The following SPART variants were observed in gnomAD, a reference collection of about 807,000 sequenced individuals.
SPART encodes the protein spastic paraplegia 20 (Troyer syndrome).
In SPART, 35 loss-of-function variants were observed where a neutral mutation model predicts 58.7. The ratio of observed to expected loss-of-function variants is 0.60; its 90% confidence interval spans 0.46 to 0.79. The LOEUF (loss-of-function observed/expected upper bound fraction) is 0.79. Among genes scored for constraint, SPART ranks in the 30% least tolerant of loss-of-function variants. The pLI is 0.00. For synonymous variants in SPART, 284 were observed against 280.7 expected (o/e 1.01, Z -0.12); for missense variants, 730 against 786.1 (o/e 0.93, Z 0.85).
upstream of SPART, among the ~76,000 whole-genome samples, chr13:36,349,215 A>G (rs372167231): frequency 5.9e-5 from 9 of 152,334 alleles, no homozygotes; most frequent in African/African-American, 2.2e-4. Flanking sequence ...GTGAGCCGAG[A>G]TTGTGCCATT....
chr13:36,318,659 G>A (rs1401092496), intron 5 of SPART, among the ~76,000 whole-genome samples: 6 of 151,606 alleles, frequency 4.0e-5, no homozygotes, highest in Non-Finnish European at 5.9e-5. Context: ...ACTTCCAAAC[G>A]CCTGAACCGC....
chr13:36,361,524 C>T (rs547329768), intron 1 of SPART, among the ~76,000 whole-genome samples: 1 of 152,208 alleles, frequency 6.6e-6, no homozygotes, highest in South Asian at 2.1e-4. Flanking sequence ...CCCGCCTCAG[C>T]CTCCTGAGTA....
intron 1 of SPART, among the ~76,000 whole-genome samples, chr13:36,342,218 C>T (rs1001726183): frequency 6.6e-6 from 1 of 152,166 alleles, no homozygotes; most frequent in African/African-American, 2.4e-5. Flanking sequence ...TATCTCAATC[C>T]TTACAAACAA....
chr13:36,326,968 A>C (rs1038550166), intron 4 of SPART, among the ~76,000 whole-genome samples: 1 of 152,108 alleles, frequency 6.6e-6, no homozygotes, highest in African/African-American at 2.4e-5. Context: ...ATTTAAATTG[A>C]CTTTTTTCTT....
At chr13:36,307,062 A>G (rs1332607593) in intron 8 of SPART, among the ~76,000 whole-genome samples, 1 of 152,212 alleles carries the variant, frequency 6.6e-6, no homozygotes, top group Non-Finnish European at 1.5e-5. Context: ...CTTCATAAAT[A>G]ACTGTTTAGT....
chr13:36,326,298 A>T (rs1882925234), intron 5 of SPART: 1 of 414,144 alleles, frequency 2.4e-6, no homozygotes, highest in East Asian at 5.5e-5. Context: ...AACTAATTTT[A>T]GATTCAGAAC....
intron 1 of SPART, among the ~76,000 whole-genome samples, chr13:36,345,022 G>A (rs534284565): frequency 1.3e-5 from 2 of 152,232 alleles, no homozygotes; most frequent in South Asian, 4.1e-4. Context: ...AATTTAGTTC[G>A]ATTCCATAAA....
At chr13:36,312,096 C>G in intron 8 of SPART, 49 bp downstream of exon 8, 1 of 1,565,016 alleles carries the variant, frequency 6.4e-7, no homozygotes, top group South Asian at 1.1e-5. Flanking sequence ...AGAAAAACAA[C>G]AACAACAACA....
At chr13:36,307,079 CTTCAGA>C (rs1258183663) in intron 8 of SPART, among the ~76,000 whole-genome samples, 1 of 152,130 alleles carries the variant, frequency 6.6e-6, no homozygotes, top group Non-Finnish European at 1.5e-5. Flanking sequence ...TAGTCCTTTT[CTTCAGA>C]TTCAAACTAT....
Position 36,312,406 on chromosome 13 carries a change from T to G in SPART, c.1555A>C (p.Lys519Gln). Residue 519 changes from lysine to glutamine, a missense_variant, in exon 7 of 9, where the codon AAA (lysine) becomes CAA (glutamine). Coordinates refer to ENST00000438666, the MANE Select transcript of SPART (RefSeq NM_015087.5). ...LAPHVKKHGS[K>Q]LVPESLKKDK... is the part of the protein sequence containing the mutation. ...TTTTTAAGAGATTCTGGAACAAGTTTGCTTCCATGCTTCTTGACATGTGGA... is the reference window on the plus strand; with the variant it reads ...TTTTTAAGAGATTCTGGAACAAGTTGGCTTCCATGCTTCTTGACATGTGGA... 1 of 1,614,192 alleles carries G rather than the reference T, an allele frequency of 6.2e-7. No individual in the cohort carries two copies.
Position 36,322,737 on chromosome 13 carries a change from G to A in SPART, c.1288+3838C>T, listed in dbSNP as rs371039242. On this transcript the variant is annotated intron_variant, in intron 5 of 8. Transcript: ENST00000438666. ...ATATGACATGTATCTTATGTTTGACGTAGTCCTCTAAAAACCTAGAAATGA... is the reference window on the plus strand; with the variant it reads ...ATATGACATGTATCTTATGTTTGACATAGTCCTCTAAAAACCTAGAAATGA... 7.2e-5 allele frequency among the ~76,000 whole-genome samples: 11 copies of A among 152,216 alleles called. No individual in the cohort carries two copies. The East Asian group carries it at 1.4e-3, about 19-fold the overall frequency.
rs552620473 is a variant in SPART, at chr13:36,337,836, T to C, written c.-2-2004A>G. Among the ~76,000 whole-genome samples, 4 of 152,344 alleles carry C rather than the reference T, an allele frequency of 2.6e-5. 1 individual carries two copies. The South Asian group carries it at 8.3e-4, about 32-fold the overall frequency. Reference sequence around the variant, plus strand: ...TGGCAATTTTGATACACTGAAAAGCTGTGAAGTGCTTCCTTCAAGTGAAAA... The same window carrying C: ...TGGCAATTTTGATACACTGAAAAGCCGTGAAGTGCTTCCTTCAAGTGAAAA... On this transcript the variant is annotated intron_variant, in intron 1 of 8. Transcript: ENST00000438666.
chr13:36,332,379 T>A (rs569031919), intron 2 of SPART, among the ~76,000 whole-genome samples: 3 of 152,258 alleles, frequency 2.0e-5, no homozygotes, highest in African/African-American at 7.2e-5. Context: ...ATGCCTGTAA[T>A]CCTAGCTCCA....
At chr13:36,332,836 A>T (rs1395125138) in intron 2 of SPART, among the ~76,000 whole-genome samples, 1 of 152,162 alleles carries the variant, frequency 6.6e-6, no homozygotes, top group African/African-American at 2.4e-5. Context: ...TTGAGTAGTT[A>T]TTTATTTTAA....
chr13:36,310,176 G>C (rs1056789797), intron 8 of SPART, among the ~76,000 whole-genome samples: 5 of 152,164 alleles, frequency 3.3e-5, no homozygotes, highest in Admixed American at 1.3e-4. Context: ...GAAAAGCAAT[G>C]ATCACAGTGC....
rs1220692684 is a variant in SPART at position 36,367,608 on chromosome 13, TA to T, written c.-3+2480del. ...TAAACTCTCCGCTCTTAAAACCATTTAAAAAAAAAACTTAAAATAATTAAAT... is the reference window on the plus strand; with the variant it reads ...TAAACTCTCCGCTCTTAAAACCATTTAAAAAAAAACTTAAAATAATTAAAT... On this transcript the variant is annotated intron_variant, in intron 1 of 8. Transcript: ENST00000355182. 9.0e-3 allele frequency among the ~76,000 whole-genome samples: 1,339 copies of T among 148,894 alleles called. 26 individuals carry two copies. Among genetic ancestry groups the T allele is most frequent in the African/African-American group, 0.031 (1,276 of 40,552 alleles).
chr13:36,366,095 A>G (rs1191767805), intron 1 of SPART, among the ~76,000 whole-genome samples: 1 of 152,174 alleles, frequency 6.6e-6, no homozygotes, highest in African/African-American at 2.4e-5. Context: ...AAAAACCTTG[A>G]ATGACTCCAT....
intron 6 of SPART, among the ~76,000 whole-genome samples, chr13:36,312,928 A>T (rs1006958349): frequency 1.3e-5 from 2 of 151,656 alleles, no homozygotes; most frequent in African/African-American, 2.4e-5. Context: ...TAGCGTATTC[A>T]TATTTTTCTA....
At chr13:36,348,052 G>A (rs1227092308), upstream of SPART, among the ~76,000 whole-genome samples, 3 of 152,284 alleles carry the variant, frequency 2.0e-5, no homozygotes, top group Admixed American at 6.5e-5. Flanking sequence ...TCCAGAGGCC[G>A]AGGCAAGAGA....
Sources: gnomAD v4.1 joint callset for allele counts (sites outside exome capture counted in the v4.1 genomes callset) on GRCh38, gnomAD v4.1.1 for gene constraint, MANE v1.5 for transcripts, NCBI Gene and HGNC (gene_info 2026-07-23, HGNC 2026-07-21) for gene names.